SYT2: variants seen among roughly 807,000 people sequenced by gnomAD.
The protein encoded by SYT2 is synaptotagmin-2.
Under a neutral mutation model 39.9 loss-of-function variants are expected in SYT2, and 15 were observed. The observed-to-expected ratio is 0.38, with a 90% confidence interval of 0.25 to 0.58. The LOEUF (loss-of-function observed/expected upper bound fraction) is 0.58, where lower values mean the gene tolerates loss of function less well. Ranked by LOEUF, SYT2 falls within the 20% of genes least tolerant of loss-of-function variation. The pLI is 0.70. For missense variants in SYT2, 389 were observed against 530.3 expected, an observed-to-expected ratio of 0.73 and a Z score of 2.62; for synonymous variants, 181 against 204.5, an observed-to-expected ratio of 0.89 and a Z score of 0.98.
At chr1:202,633,606 G>C (rs1172931738) in intron 1 of SYT2, among the ~76,000 whole-genome samples, 1 of 152,120 alleles carries the variant, frequency 6.6e-6, no homozygotes, top group Admixed American at 6.5e-5. Context: ...CTCCCTAGGG[G>C]GCTCCAGTTG....
rs562252430 is a variant in SYT2, at chr1:202,662,754, C to A, written c.-18+47504G>T. Among the ~76,000 whole-genome samples the A allele has an allele frequency of 9.2e-5, 14 of 152,204 alleles. No individual in the cohort carries two copies. The South Asian group carries it at 2.3e-3, about 25-fold the overall frequency. On this transcript the variant is annotated intron_variant, in intron 1 of 8. Transcript: ENST00000367268. ...AGCTAAGCCTTTACTATCTGAGTAG[C>A]CTTGGGCAAGTCAGGTAACCTCTCT... is the stretch of plus-strand genomic sequence containing the variant.
intron 1 of SYT2, among the ~76,000 whole-genome samples, chr1:202,671,102 T>TCC (rs1692580984): frequency 6.6e-6 from 1 of 152,152 alleles, no homozygotes; most frequent in African/African-American, 2.4e-5. Flanking sequence ...CCAGCAAAAC[T>TCC]CCCATCTGCA....
intron 1 of SYT2, among the ~76,000 whole-genome samples, chr1:202,622,907 G>A (rs552544795): frequency 6.6e-6 from 1 of 152,240 alleles, no homozygotes; most frequent in Admixed American, 6.5e-5. Flanking sequence ...GCCTCTTTTC[G>A]AAAACAAAGA....
At chr1:202,650,131 C>T (rs917191659) in intron 1 of SYT2, among the ~76,000 whole-genome samples, 1 of 152,212 alleles carries the variant, frequency 6.6e-6, no homozygotes, top group Non-Finnish European at 1.5e-5. Flanking sequence ...TGGGGCTGGG[C>T]TCAGAGGATC....
intron 1 of SYT2, among the ~76,000 whole-genome samples, chr1:202,667,618 A>G (rs1218398956): frequency 6.6e-6 from 1 of 152,178 alleles, no homozygotes; most frequent in Admixed American, 6.5e-5. Context: ...GATTACATCA[A>G]TCAATAAGTC....
At position 202,604,450 on chromosome 1, in the gene SYT2, C is replaced by T; in HGVS notation, c.345+5G>A. 4 of 1,614,018 alleles carry T rather than the reference C, an allele frequency of 2.5e-6. No individual in the cohort carries two copies. Among genetic ancestry groups the T allele is most frequent in the Non-Finnish European group, 3.4e-6 (4 of 1,179,878 alleles). Reference sequence around the variant, plus strand: ...CCAGTCCCCCTCACAACCAATGTGCCCTACCTGACCCCCTTTCATGTCCTT... The same window carrying T: ...CCAGTCCCCCTCACAACCAATGTGCTCTACCTGACCCCCTTTCATGTCCTT... On this transcript the variant is annotated splice_donor_5th_base_variant and intron_variant, in intron 3 of 8. Transcript: ENST00000367268.
intron 5 of SYT2, 137 bp from the exon 6 acceptor site, chr1:202,602,194 G>T (rs1690529267): frequency 4.4e-6 from 3 of 679,204 alleles, no homozygotes; most frequent in Non-Finnish European, 7.1e-6. Flanking sequence ...GGCTTTTGGG[G>T]AGCAGAGTGT....
intron 1 of SYT2, among the ~76,000 whole-genome samples, chr1:202,698,516 G>A (rs1654032203): frequency 6.6e-6 from 1 of 152,154 alleles, no homozygotes; most frequent in African/African-American, 2.4e-5. Flanking sequence ...GCCACAGAAG[G>A]GACATGAAGA....
chr1:202,698,830 T>G (rs1421159171), intron 1 of SYT2, among the ~76,000 whole-genome samples: 1 of 152,100 alleles, frequency 6.6e-6, no homozygotes, highest in Admixed American at 6.6e-5. Context: ...GAGATTGTAC[T>G]TTCCAGCAGA....
chr1:202,613,082 T>C (rs1572624121), intron 1 of SYT2, among the ~76,000 whole-genome samples: 2 of 124,486 alleles, frequency 1.6e-5, no homozygotes, highest in Non-Finnish European at 3.5e-5. Context: ...TTTTTTTTTT[T>C]TTTTTTTTTT....
chr1:202,641,140 A>G (rs1223362793), intron 1 of SYT2, among the ~76,000 whole-genome samples: 1 of 152,222 alleles, frequency 6.6e-6, no homozygotes, highest in African/African-American at 2.4e-5. Flanking sequence ...AATTTGCTCA[A>G]GGTCACACAG....
rs1267996068 is a variant in SYT2, at chr1:202,594,786, C to T, written c.*1971G>A. 1 of 151,866 alleles carries T rather than the reference C, an allele frequency of 6.6e-6. No individual in the cohort carries two copies. The highest frequency in any genetic ancestry group is 6.6e-5 in the Admixed American group (1 of 15,218). The allele number at this position is 151,866 out of a possible 1,614,324, so 9.4% of individuals were successfully genotyped here. ...AAGACAAAGAAGGATCTCCAAGAGA[C>T]AGGCAGGCTTTCCAGTCTGTTTCTG... is the stretch of plus-strand genomic sequence containing the variant. On this transcript the variant is annotated 3_prime_UTR_variant, in exon 9 of 9. Coordinates refer to ENST00000367268, the MANE Select transcript of SYT2 (RefSeq NM_177402.5).
At chr1:202,662,565 C>G (rs140349708) in intron 1 of SYT2, among the ~76,000 whole-genome samples, 1 of 152,176 alleles carries the variant, frequency 6.6e-6, no homozygotes, top group Non-Finnish European at 1.5e-5. Flanking sequence ...CAAGAGGCAA[C>G]GGATGGAGCG....
intron 1 of SYT2, among the ~76,000 whole-genome samples, chr1:202,692,464 A>G (rs1488867881): frequency 6.6e-6 from 1 of 152,228 alleles, no homozygotes; most frequent in East Asian, 1.9e-4. Flanking sequence ...TGACTTTGGG[A>G]GAACATTGCC....
At chr1:202,683,136 G>T (rs1446228694) in intron 1 of SYT2, among the ~76,000 whole-genome samples, 2 of 152,150 alleles carry the variant, frequency 1.3e-5, no homozygotes, top group African/African-American at 4.8e-5. Flanking sequence ...ACTACTGGTG[G>T]GAGTGTAAGT....
At chr1:202,629,909 GACTCTGGAA>G in intron 1 of SYT2, among the ~76,000 whole-genome samples, 1 of 122,500 alleles carries the variant, frequency 8.2e-6, no homozygotes, top group Non-Finnish European at 1.9e-5. Context: ...GCTCAGAAGT[GACTCTGGAA>G]GTCACTAGCA....
Position 202,623,127 on chromosome 1 carries a change from C to T in SYT2, c.-17-17338G>A, listed in dbSNP as rs1342965554. Among the ~76,000 whole-genome samples, 13 of 152,188 alleles carry T rather than the reference C, an allele frequency of 8.5e-5. No individual in the cohort carries two copies. Among genetic ancestry groups the T allele is most frequent in the Non-Finnish European group, 2.9e-5 (2 of 68,020 alleles). On this transcript the variant is annotated intron_variant, in intron 1 of 8. Transcript: ENST00000367268. This position sits in a 1 kb window ranked among gnomAD's most constrained non-coding sequence, Gnocchi z 4.2. ...TGGTGAGGGGGCAGAGGGATGCCCC[C>T]GCCAGGCAAGCCCCTCAGCACACCC...
At chr1:202,685,907 G>A (rs746730139) in intron 1 of SYT2, among the ~76,000 whole-genome samples, 24 of 152,080 alleles carry the variant, frequency 1.6e-4, no homozygotes, top group Non-Finnish European at 2.6e-4. Flanking sequence ...CAGAGGCTCT[G>A]GGGCATGGGG....
intron 1 of SYT2, among the ~76,000 whole-genome samples, chr1:202,680,015 A>G (rs1653485253): frequency 6.6e-6 from 1 of 152,210 alleles, no homozygotes; most frequent in African/African-American, 2.4e-5. Context: ...AGTTCTTAGC[A>G]TGACCAGTGT....
Sources: allele counts gnomAD v4.1 joint callset (sites outside exome capture counted in the v4.1 genomes callset), GRCh38; gene constraint gnomAD v4.1.1; non-coding constraint Gnocchi (gnomAD v3.1); transcripts MANE v1.5; gene names NCBI Gene and HGNC (gene_info 2026-07-23, HGNC 2026-07-21).